The following SPAG16 variants were observed in gnomAD, a reference collection of about 807,000 sequenced individuals.
The protein encoded by SPAG16 is sperm associated antigen 16.
Under a neutral mutation model 80.4 loss-of-function variants are expected in SPAG16, and 86 were observed. That is an observed-to-expected ratio of 1.07 (90% confidence interval 0.90 to 1.28). The LOEUF (loss-of-function observed/expected upper bound fraction) is 1.28, where lower values mean the gene tolerates loss of function less well. Ranked by LOEUF, SPAG16 falls within the 50% of genes most tolerant of loss-of-function variation. The probability of loss-of-function intolerance (pLI) is 0.00; values close to 1 mark genes in which losing one functional copy is unlikely to be tolerated. For synonymous variants in SPAG16, 294 were observed against 265.9 expected, an observed-to-expected ratio of 1.11 and a Z score of -1.03; for missense variants, 870 against 765.3, an observed-to-expected ratio of 1.14 and a Z score of -1.61.
At chr2:213,323,394 T>A (rs1200182395) in intron 5 of SPAG16, among the ~76,000 whole-genome samples, 1 of 151,904 alleles carries the variant, frequency 6.6e-6, no homozygotes, top group East Asian at 1.9e-4. Context: ...TGAGCCGAGA[T>A]CATGCCACTG....
chr2:213,457,481 T>G (rs1269377301), intron 9 of SPAG16, among the ~76,000 whole-genome samples: 2 of 152,276 alleles, frequency 1.3e-5, no homozygotes, highest in African/African-American at 2.4e-5. Flanking sequence ...ATAGGCATAC[T>G]TGTTCTTTTA....
Position 214,393,518 on chromosome 2 carries a change from C to T in SPAG16, c.1721-16622C>T, listed in dbSNP as rs184840719. Among the ~76,000 whole-genome samples the T allele has an allele frequency of 3.0e-4, 46 of 151,332 alleles. 1 individual carries two copies. Among genetic ancestry groups the T allele is most frequent in the Middle Eastern group, 6.8e-3 (2 of 294 alleles). ...TCTAAAAAATTTTTATGAATATTTT[C>T]CCAAAATAGCAAAATAATTAAACTA... On this transcript the variant is annotated intron_variant, in intron 15 of 15. Transcript: ENST00000331683.
chr2:213,365,918 G>A (rs1261407215), intron 8 of SPAG16, among the ~76,000 whole-genome samples: 20 of 150,616 alleles, frequency 1.3e-4, no homozygotes, highest in East Asian at 3.9e-4. Context: ...TGAGGCGGGC[G>A]GATCACGAGG....
At chr2:214,202,945 AT>A (rs2058048425) in intron 15 of SPAG16, among the ~76,000 whole-genome samples, 1 of 152,238 alleles carries the variant, frequency 6.6e-6, no homozygotes, top group South Asian at 2.1e-4. Context: ...ACCTGAGAGA[AT>A]TGCCTTCTCT....
At chr2:213,674,173 C>T (rs911199282) in intron 10 of SPAG16, among the ~76,000 whole-genome samples, 2 of 151,924 alleles carry the variant, frequency 1.3e-5, no homozygotes, top group African/African-American at 4.8e-5. Flanking sequence ...GTAAAAGTAA[C>T]TCTATATCAT....
intron 15 of SPAG16, among the ~76,000 whole-genome samples, chr2:214,387,086 C>A (rs1700803805): frequency 6.6e-6 from 1 of 152,062 alleles, no homozygotes; most frequent in African/African-American, 2.4e-5. Context: ...TCTGTTCAGT[C>A]TTTTTCCCTT....
At chr2:213,711,020 A>G (rs2065962062) in intron 10 of SPAG16, among the ~76,000 whole-genome samples, 1 of 152,226 alleles carries the variant, frequency 6.6e-6, no homozygotes, top group Non-Finnish European at 1.5e-5. Context: ...AGCAATTACC[A>G]TAAAAGTTTT....
chr2:214,277,074 C>T (rs1019664906), intron 15 of SPAG16, among the ~76,000 whole-genome samples: 5 of 152,026 alleles, frequency 3.3e-5, no homozygotes, highest in African/African-American at 1.2e-4. Flanking sequence ...TCCACTTGAT[C>T]GAATCGGCTA....
At chr2:213,370,733 T>C (rs2066586298) in intron 8 of SPAG16, among the ~76,000 whole-genome samples, 1 of 152,212 alleles carries the variant, frequency 6.6e-6, no homozygotes, top group Non-Finnish European at 1.5e-5. Context: ...GATAACTCCC[T>C]TATGAAATTA....
chr2:213,324,868 G>A (rs956530571), intron 5 of SPAG16, among the ~76,000 whole-genome samples: 8 of 152,056 alleles, frequency 5.3e-5, no homozygotes, highest in Non-Finnish European at 8.8e-5. Context: ...GAATACATGC[G>A]AATTCCAGTT....
At chr2:213,492,086 T>C (rs1415773610) in intron 10 of SPAG16, among the ~76,000 whole-genome samples, 1 of 152,214 alleles carries the variant, frequency 6.6e-6, no homozygotes, top group Admixed American at 6.5e-5. Flanking sequence ...TATTTCTTTT[T>C]TTGCTGTGTG....
chr2:213,985,891 A>T (rs1482242087), intron 12 of SPAG16, among the ~76,000 whole-genome samples: 1 of 152,098 alleles, frequency 6.6e-6, no homozygotes. Flanking sequence ...GCCCTCCAAC[A>T]TGCCATAGCC....
intron 7 of SPAG16, among the ~76,000 whole-genome samples, chr2:213,363,170 T>C (rs2066082047): frequency 6.6e-6 from 1 of 152,154 alleles, no homozygotes; most frequent in Non-Finnish European, 1.5e-5. Flanking sequence ...CATTACAATG[T>C]ATGATGTTAA....
At chr2:214,146,755 C>G (rs2125557690) in intron 14 of SPAG16, among the ~76,000 whole-genome samples, 1 of 152,236 alleles carries the variant, frequency 6.6e-6, no homozygotes, top group Non-Finnish European at 1.5e-5. Flanking sequence ...AATCCCAGCA[C>G]TTTGGGAGGC....
chr2:214,273,884 T>G (rs540186596), intron 15 of SPAG16, among the ~76,000 whole-genome samples: 3 of 152,104 alleles, frequency 2.0e-5, no homozygotes, highest in Non-Finnish European at 4.4e-5. Context: ...AGTTACCCTG[T>G]GCAGTATGGC....
chr2:213,489,228 T>G (rs900879628), intron 9 of SPAG16, among the ~76,000 whole-genome samples: 2 of 152,112 alleles, frequency 1.3e-5, no homozygotes, highest in Non-Finnish European at 2.9e-5. Context: ...TCATAACTTC[T>G]TTTTTTGAGT....
intron 10 of SPAG16, among the ~76,000 whole-genome samples, chr2:213,705,274 G>C (rs1476166285): frequency 6.6e-6 from 1 of 151,684 alleles, no homozygotes; most frequent in Non-Finnish European, 1.5e-5. Context: ...GAGAGAGAGA[G>C]GGAGGGAGGA....
intron 14 of SPAG16, among the ~76,000 whole-genome samples, chr2:214,147,897 A>T (rs1025884975): frequency 2.0e-5 from 3 of 152,200 alleles, no homozygotes; most frequent in Non-Finnish European, 4.4e-5. Flanking sequence ...ATTTTTACAG[A>T]AAGAATAGAA....
chr2:213,743,990 A>T (rs16850841), intron 10 of SPAG16, among the ~76,000 whole-genome samples: 31,175 of 151,890 alleles, frequency 0.21, 3,767 homozygotes, highest in South Asian at 0.32. Context: ...TTGCATGCTT[A>T]GTTATATTTT....
Sources: gnomAD v4.1 joint callset for allele counts (sites outside exome capture counted in the v4.1 genomes callset) on GRCh38, gnomAD v4.1.1 for gene constraint, MANE v1.5 for transcripts, NCBI Gene and HGNC (gene_info 2026-07-23, HGNC 2026-07-21) for gene names.